ARHGEF18: variants seen among roughly 807,000 people sequenced by gnomAD.
ARHGEF18 encodes rho guanine nucleotide exchange factor 18.
In ARHGEF18, 93 loss-of-function variants were observed where a neutral mutation model predicts 155.7. That is an observed-to-expected ratio of 0.60 (90% CI 0.50 to 0.71). ARHGEF18 has a LOEUF of 0.71. Ranked by LOEUF, ARHGEF18 falls within the 30% of genes least tolerant of loss-of-function variation. The pLI, the probability that ARHGEF18 is intolerant of heterozygous loss-of-function variation, is 0.00. For missense variants in ARHGEF18, 1,593 were observed against 1,816.1 expected (o/e 0.88, Z 2.23); for synonymous variants, 742 against 753.1 (o/e 0.99, Z 0.24).
chr19:7,457,479 C>T (rs932223067), intron 18 of ARHGEF18, among the ~76,000 whole-genome samples: 1 of 149,952 alleles, frequency 6.7e-6, no homozygotes, highest in African/African-American at 2.5e-5. Context: ...TCTCCTGCCT[C>T]AGCCTCCTGA....
In ARHGEF18 at chr19:7,447,106, G is replaced by T; in HGVS notation, c.1675G>T (p.Glu559Ter). Residue 559 changes from glutamate to a stop codon, truncating the protein, a stop_gained, in exon 15 of 29, where the codon GAA becomes TAA. Transcript: ENST00000668164. LOFTEE classifies it high-confidence loss of function. ...CGGTGTGTTTTGTAGTGGCCACAATGAAGCTGTTAGTCATTACAAGTTGCT... is the reference window on the plus strand; with the variant it reads ...CGGTGTGTTTTGTAGTGGCCACAATTAAGCTGTTAGTCATTACAAGTTGCT... ...KYGVFCSGHN[E>*]AVSHYKLLLQ... 1 of 1,613,864 alleles carries T rather than the reference G, an allele frequency of 6.2e-7. No individual in the cohort carries two copies. The highest frequency in any genetic ancestry group is 8.5e-7 in the Non-Finnish European group (1 of 1,179,940).
intron 13 of ARHGEF18, among the ~76,000 whole-genome samples, chr19:7,443,693 G>A (rs981889224): frequency 1.3e-5 from 2 of 151,938 alleles, no homozygotes; most frequent in African/African-American, 2.4e-5. Context: ...CAGATGTGAT[G>A]GATGAGTTTT....
intron 3 of ARHGEF18, among the ~76,000 whole-genome samples, chr19:7,374,906 C>T (rs1323738100): frequency 1.3e-5 from 2 of 152,124 alleles, no homozygotes; most frequent in African/African-American, 2.4e-5. Flanking sequence ...AGTGGCAGCA[C>T]CAAATAGTAG....
In ARHGEF18 at chr19:7,469,097, C is replaced by A. The variant is rs534317514; in HGVS notation, c.3753C>A (p.Gly1251=). ...CCAAGGGTGGCAAGGACAAGGGCGG[C>A]AAGAGCAGGGGCTCTCAGCGCTGGG... The part of the protein sequence containing the change: ...ASTKGGKDKG[G]KSRGSQRWES... Residue 1251 remains glycine (G), a synonymous_variant, in exon 27 of 29, where the codon GGC becomes GGA. Transcript: ENST00000668164. 80 of 1,608,144 alleles carry A rather than the reference C, an allele frequency of 5.0e-5. No homozygotes were observed. The highest frequency in any genetic ancestry group is 6.7e-5 in the Admixed American group (4 of 59,492).
chr19:7,410,201 TC>T (rs1170520979), intron 10 of ARHGEF18, among the ~76,000 whole-genome samples: 1 of 152,122 alleles, frequency 6.6e-6, no homozygotes, highest in Non-Finnish European at 1.5e-5. Flanking sequence ...CAGGGTTTTT[TC>T]TGGCATTCTG....
Position 7,456,424 on chromosome 19 carries a change from GA to G in ARHGEF18, c.2181+22del, listed in dbSNP as rs1395098539. 6 of 1,610,966 alleles carry G rather than the reference GA, an allele frequency of 3.7e-6. No homozygotes were observed. The African/African-American group carries it at 8.0e-5, about 22-fold the overall frequency. Reference sequence around the variant, plus strand: ...CTGTGGTATGTATCCTGTCTCTTCAGACGAAGGGTCGGCTGGGTGCTGTGGC... The same window carrying G: ...CTGTGGTATGTATCCTGTCTCTTCAGCGAAGGGTCGGCTGGGTGCTGTGGC... On this transcript the variant is annotated intron_variant, in intron 18 of 28. Transcript: ENST00000668164.
At chr19:7,351,704 CTT>C (rs1206690292) in intron 1 of ARHGEF18, among the ~76,000 whole-genome samples, 7 of 7,836 alleles carry the variant, frequency 8.9e-4, no homozygotes, top group African/African-American at 1.5e-3. Flanking sequence ...CTCTCTCTCT[CTT>C]TTTTTTTTTT....
chr19:7,398,537 A>G (rs1289552155), intron 10 of ARHGEF18, among the ~76,000 whole-genome samples: 2 of 151,866 alleles, frequency 1.3e-5, no homozygotes, highest in African/African-American at 4.8e-5. Context: ...TAAGAAATAC[A>G]AAAATTAGCT....
intron 1 of ARHGEF18, among the ~76,000 whole-genome samples, chr19:7,362,011 A>AGGAAGAAGAAGAAGAAGAAGG: frequency 1.2e-5 from 1 of 85,394 alleles, no homozygotes; most frequent in Admixed American, 1.0e-4. Context: ...GAAGAAGAAG[A>AGGAAGAAGAAGAAGAAGAAGG]AGAAGGAGAA....
intron 2 of ARHGEF18, among the ~76,000 whole-genome samples, chr19:7,371,409 A>G (rs1420705848): frequency 6.6e-6 from 1 of 152,180 alleles, no homozygotes; most frequent in Non-Finnish European, 1.5e-5. Context: ...GGGCCCGGGT[A>G]CAGTGGCTCA....
intron 10 of ARHGEF18, among the ~76,000 whole-genome samples, chr19:7,391,580 C>T (rs564073900): frequency 5.3e-5 from 8 of 152,234 alleles, no homozygotes; most frequent in South Asian, 2.1e-4. Flanking sequence ...GCTCATCCAG[C>T]GCTGTTCCTG....
At chr19:7,448,027 C>G (rs1386301933) in intron 15 of ARHGEF18, among the ~76,000 whole-genome samples, 3 of 152,200 alleles carry the variant, frequency 2.0e-5, no homozygotes, top group Middle Eastern at 3.2e-3. Flanking sequence ...GAAAGCATAT[C>G]TAGACTTTGT....
chr19:7,441,832 T>A (rs1974665256), intron 12 of ARHGEF18, 67 bp downstream of exon 12: 1 of 1,612,276 alleles, frequency 6.2e-7, no homozygotes, highest in African/African-American at 1.3e-5. Context: ...GAGCTGGGGC[T>A]CGTGTCAGCA....
chr19:7,364,568 G>A (rs1969804984), intron 2 of ARHGEF18, among the ~76,000 whole-genome samples: 1 of 152,136 alleles, frequency 6.6e-6, no homozygotes, highest in Non-Finnish European at 1.5e-5. Flanking sequence ...GGGCCTGTGG[G>A]GTAGGCCAGC....
chr19:7,437,274 C>A (rs1355369005), intron 10 of ARHGEF18, among the ~76,000 whole-genome samples: 1 of 151,944 alleles, frequency 6.6e-6, no homozygotes, highest in Non-Finnish European at 1.5e-5. Flanking sequence ...ACTAAAAATA[C>A]AAAATTAGCC....
At position 7,451,188 on chromosome 19, in the gene ARHGEF18, C is replaced by T; in HGVS notation, c.1777C>T (p.Gln593Ter). Residue 593 changes from glutamine (Q) to a stop codon, truncating the protein, a stop_gained, in exon 16 of 29, where the codon CAG becomes TAG. Coordinates refer to ENST00000668164, the MANE Select transcript of ARHGEF18 (RefSeq NM_001367823.1). LOFTEE classifies it high-confidence loss of function. Reference protein sequence around the residue: ...NFSIVRRLGVQECILLVTQRI... With the variant: ...NFSIVRRLGV ...CTCCATCGTGCGGCGGCTTGGCGTG[C>T]AGGAGTGCATTCTCCTGGTTACACA... The T allele has an allele frequency of 6.4e-7, 1 of 1,570,362 alleles. No homozygotes were observed. Among genetic ancestry groups the T allele is most frequent in the Non-Finnish European group, 8.6e-7 (1 of 1,161,984 alleles).
intron 4 of ARHGEF18, among the ~76,000 whole-genome samples, 181 bp from the exon 5 acceptor site, chr19:7,376,462 G>T (rs1407591589): frequency 6.6e-6 from 1 of 152,054 alleles, no homozygotes; most frequent in Non-Finnish European, 1.5e-5. Context: ...TGGCTGGGGA[G>T]GGGGTGGCTG....
chr19:7,461,533 G>C (rs1976259855), intron 20 of ARHGEF18, among the ~76,000 whole-genome samples: 2 of 152,102 alleles, frequency 1.3e-5, no homozygotes. Context: ...CTGGGCGACA[G>C]AGCGAGACTC....
rs1431665716 is a variant in ARHGEF18, at chr19:7,349,117, T to A, written c.-235T>A. 1 of 152,280 alleles carries A rather than the reference T, an allele frequency of 6.6e-6. No homozygotes were observed. Among genetic ancestry groups the A allele is most frequent in the Non-Finnish European group, 1.5e-5 (1 of 68,084 alleles). 9.4% of individuals were successfully genotyped at this position (152,280 alleles called of 1,614,324 possible). On this transcript the variant is annotated 5_prime_UTR_variant, in exon 1 of 29. Coordinates refer to ENST00000668164, the MANE Select transcript of ARHGEF18 (RefSeq NM_001367823.1). ...GTGCTATTGGGTCATTCTGTGGTTA[T>A]CCCAGGCTCTACCCAGCCAGCGGTT...
Sources: gnomAD v4.1 joint callset for allele counts (sites outside exome capture counted in the v4.1 genomes callset) on GRCh38, gnomAD v4.1.1 for gene constraint, MANE v1.5 for transcripts, NCBI Gene and HGNC (gene_info 2026-07-23, HGNC 2026-07-21) for gene names.